Variants in FAM13C observed in about 807,000 individuals in gnomAD.
FAM13C encodes protein FAM13C.
In FAM13C, 37 loss-of-function variants were observed where a neutral mutation model predicts 73.2. The observed-to-expected ratio is 0.51, with a 90% confidence interval of 0.39 to 0.67. The LOEUF is 0.67. FAM13C is among the 30% of genes least tolerant of loss of function. The pLI is 0.00. For synonymous variants in FAM13C, 246 were observed against 260.9 expected, an observed-to-expected ratio of 0.94 and a Z score of 0.55; for missense variants, 589 against 715.6, an observed-to-expected ratio of 0.82 and a Z score of 2.02.
At chr10:59,347,634 T>C (rs942061748) in intron 3 of FAM13C, among the ~76,000 whole-genome samples, 3 of 152,120 alleles carry the variant, frequency 2.0e-5, no homozygotes, top group Non-Finnish European at 4.4e-5. Context: ...CCCATCAACC[T>C]GTCACCTACA....
intron 3 of FAM13C, among the ~76,000 whole-genome samples, chr10:59,351,734 G>A (rs1394021161): frequency 6.6e-6 from 1 of 152,120 alleles, no homozygotes; most frequent in African/African-American, 2.4e-5. Context: ...GGTGGCTCAC[G>A]CCTGTTCGCA....
In FAM13C at chr10:59,348,829, C is replaced by A. The variant is rs370403031; in HGVS notation, c.324+3441G>T. Among the ~76,000 whole-genome samples the A allele has an allele frequency of 1.1e-4, 17 of 152,134 alleles. 1 individual carries two copies. Among genetic ancestry groups the A allele is most frequent in the African/African-American group, 4.1e-4 (17 of 41,520 alleles). On this transcript the variant is annotated intron_variant, in intron 3 of 13. Coordinates refer to ENST00000618804, the MANE Select transcript of FAM13C (RefSeq NM_198215.4). ...TTTTGTATTTTTAATAGAGATGGGGCTTCACTATGTTGGCCAGGCTGGTCT... is the reference window on the plus strand; with the variant it reads ...TTTTGTATTTTTAATAGAGATGGGGATTCACTATGTTGGCCAGGCTGGTCT...
chr10:59,344,022 C>A (rs1210977748), intron 3 of FAM13C, among the ~76,000 whole-genome samples: 2 of 146,708 alleles, frequency 1.4e-5, no homozygotes, highest in Admixed American at 6.9e-5. Context: ...AGTGCAGTGG[C>A]ACGATCTCGG....
chr10:59,270,785 T>C (rs1448344485), intron 6 of FAM13C, among the ~76,000 whole-genome samples: 1 of 152,192 alleles, frequency 6.6e-6, no homozygotes, highest in Non-Finnish European at 1.5e-5. Context: ...CTACAAAGCA[T>C]GGTAGAATCA....
chr10:59,251,394 T>C, intron 13 of FAM13C, 181 bp downstream of exon 13: 2 of 611,388 alleles, frequency 3.3e-6, no homozygotes. Context: ...CCATGTCCCA[T>C]GAAACATCCC....
In FAM13C at chr10:59,247,526, T is replaced by C. The variant is rs1840820947; in HGVS notation, c.*88A>G. On this transcript the variant is annotated 3_prime_UTR_variant, in exon 14 of 14. Coordinates refer to ENST00000618804, the MANE Select transcript of FAM13C (RefSeq NM_198215.4). ...ACCACTAAAGTGCTTCCATTTTCAT[T>C]GTGTCAAAACTACTTAGCAAGGATG... The C allele has an allele frequency of 3.9e-6, 6 of 1,541,848 alleles. No individual in the cohort carries two copies. In the South Asian group the frequency reaches 4.6e-5, roughly 12 times the overall value.
At chr10:59,291,319 G>GA (rs537830586) in intron 5 of FAM13C, among the ~76,000 whole-genome samples, 307 of 152,278 alleles carry the variant, frequency 2.0e-3, no homozygotes, top group Non-Finnish European at 3.3e-3. Flanking sequence ...ACCATTACAA[G>GA]AAAAAGCCAA....
At chr10:59,362,585 C>T, upstream of FAM13C, 1 of 1,527,098 alleles carries the variant, frequency 6.5e-7, no homozygotes, top group East Asian at 2.5e-5. Flanking sequence ...CCTTGGGCTG[C>T]TGTCTGCACA....
chr10:59,351,750 T>C (rs1483947400), intron 3 of FAM13C, among the ~76,000 whole-genome samples: 1 of 152,232 alleles, frequency 6.6e-6, no homozygotes, highest in South Asian at 2.1e-4. Flanking sequence ...TCGCAGCACT[T>C]TGGGAGGCCG....
At chr10:59,308,653 T>C (rs78300661) in intron 4 of FAM13C, among the ~76,000 whole-genome samples, 1,960 of 100,122 alleles carry the variant, frequency 0.02, 20 homozygotes, top group Non-Finnish European at 0.031. Context: ...CACTGTATAA[T>C]TCAAAGTAAA....
At chr10:59,268,828 G>C (rs1843378385) in intron 7 of FAM13C, 137 bp from the exon 8 acceptor site, 1 of 993,678 alleles carries the variant, frequency 1.0e-6, no homozygotes, top group Non-Finnish European at 1.4e-6. Flanking sequence ...GGCCACCATG[G>C]TAGCATCTGC....
chr10:59,304,056 G>A (rs1357096200), intron 4 of FAM13C, among the ~76,000 whole-genome samples: 2 of 152,134 alleles, frequency 1.3e-5, no homozygotes, highest in Non-Finnish European at 2.9e-5. Flanking sequence ...GCTGAGGCAC[G>A]AGAATTGCTT....
chr10:59,324,033 T>A lies in FAM13C; in HGVS notation c.398A>T (p.Gln133Leu). 6.2e-7 allele frequency: 1 copy of A among 1,614,126 alleles called. No homozygotes were observed. The highest frequency in any genetic ancestry group is 8.5e-7 in the Non-Finnish European group (1 of 1,179,986). The change falls in exon 4 of 14, where the codon CAA becomes CTA. Residue 133 changes from glutamine (Q) to leucine (L), a missense_variant. Coordinates refer to ENST00000618804, the MANE Select transcript of FAM13C (RefSeq NM_198215.4). ...RAGTPAHESP[Q>L]NNAFKCQETV... is the part of the protein sequence containing the mutation. ...TTCTTGGCACTTGAAGGCATTGTTT[T>A]GTGGACTCTCATGAGCTGGTGTTCC...
chr10:59,289,120 G>T (rs1209136988), intron 5 of FAM13C, among the ~76,000 whole-genome samples: 2 of 152,172 alleles, frequency 1.3e-5, no homozygotes, highest in Non-Finnish European at 2.9e-5. Flanking sequence ...AGATCATGAG[G>T]CATTAGATCC....
At chr10:59,346,152 A>T (rs1215888082) in intron 3 of FAM13C, among the ~76,000 whole-genome samples, 1 of 152,200 alleles carries the variant, frequency 6.6e-6, no homozygotes, top group Non-Finnish European at 1.5e-5. Context: ...AAAAAAATGC[A>T]TATAAAGTAC....
chr10:59,306,142 T>C (rs1268697960), intron 4 of FAM13C, among the ~76,000 whole-genome samples: 3 of 152,218 alleles, frequency 2.0e-5, no homozygotes. Flanking sequence ...CAAGTTTTTC[T>C]AGGGCTTTGG....
At chr10:59,304,126 C>T (rs1047656005) in intron 4 of FAM13C, among the ~76,000 whole-genome samples, 3 of 152,024 alleles carry the variant, frequency 2.0e-5, no homozygotes, top group African/African-American at 4.8e-5. Context: ...CCAGCCTGAG[C>T]GACGGAGTGA....
rs114010355 is a variant in FAM13C at position 59,269,778 on chromosome 10, G to T, written c.803+121C>A. The T allele has an allele frequency of 4.5e-5, 52 of 1,165,670 alleles. No individual in the cohort carries two copies. In the African/African-American group the frequency reaches 7.5e-4, roughly 17 times the overall value. 72.2% of individuals were successfully genotyped at this position (1,165,670 alleles called of 1,614,324 possible). A position where few individuals can be genotyped will look rare whatever the true frequency, so the allele number is the denominator to read the frequency against. ...CTAATTTTTGTCATTTATTGTTCCA[G>T]TCTCGCAGTTGCGTTAGGCAGGCAC... On this transcript the variant is annotated intron_variant, in intron 7 of 13. Coordinates refer to ENST00000618804, the MANE Select transcript of FAM13C (RefSeq NM_198215.4).
chr10:59,355,923 G>A lies in FAM13C; in HGVS notation c.83C>T (p.Ser28Phe), dbSNP rs752207558. The change falls in exon 2 of 14, where the codon TCT (serine) becomes TTT (phenylalanine). Residue 28 changes from serine (S) to phenylalanine (F), a missense_variant. Transcript: ENST00000618804. Reference protein sequence around the residue: ...TVTECDEDPVSLHEDQTDCSS... With the variant: ...TVTECDEDPVFLHEDQTDCSS... Reference sequence around the variant, plus strand: ...GCAATCAGTCTGGTCTTCATGTAGAGAGACTGGATCTTCGTCACACCTGGA... The same window carrying A: ...GCAATCAGTCTGGTCTTCATGTAGAAAGACTGGATCTTCGTCACACCTGGA... The A allele has an allele frequency of 3.7e-6, 6 of 1,614,044 alleles. No homozygotes were observed. The highest frequency in any genetic ancestry group is 4.5e-5 in the East Asian group (2 of 44,864).
Sources: gnomAD v4.1 joint callset for allele counts (sites outside exome capture counted in the v4.1 genomes callset) on GRCh38, gnomAD v4.1.1 for gene constraint, MANE v1.5 for transcripts, NCBI Gene and HGNC (gene_info 2026-07-23, HGNC 2026-07-21) for gene names.